The following SPIN1 variants were observed in gnomAD, a reference collection of about 807,000 sequenced individuals.
SPIN1 encodes spindlin-1.
Under a neutral mutation model 26.0 loss-of-function variants are expected in SPIN1, and 3 were observed. That is an observed-to-expected ratio of 0.12 (90% CI 0.05 to 0.30). The LOEUF (loss-of-function observed/expected upper bound fraction) is 0.30, where lower values mean the gene tolerates loss of function less well. Ranked by LOEUF, SPIN1 falls within the 10% of genes least tolerant of loss-of-function variation. SPIN1 has a pLI of 1.00. For missense variants in SPIN1, 126 were observed against 333.4 expected, an observed-to-expected ratio of 0.38 and a Z score of 4.84; for synonymous variants, 101 against 116.5, an observed-to-expected ratio of 0.87 and a Z score of 0.86.
rs148808911 is a variant in SPIN1, at chr9:88,408,981, TTGTG to T, written c.-158-17375_-158-17372del. ...CCGGCCCTTTTGTGTTTGTGTGTGT[TTGTG>T]TGTGTGTGTGTGTGTGTGTGTGTGT... On this transcript the variant is annotated intron_variant, in intron 1 of 5. Coordinates refer to ENST00000375859, the MANE Select transcript of SPIN1 (RefSeq NM_006717.3). 7.7e-3 allele frequency among the ~76,000 whole-genome samples: 1,057 copies of T among 136,642 alleles called. 6 individuals carry two copies. The highest frequency in any genetic ancestry group is 8.7e-3 in the Non-Finnish European group (551 of 63,352). 89.6% of individuals were successfully genotyped at this position (136,642 alleles called of 152,430 possible).
intron 1 of SPIN1, among the ~76,000 whole-genome samples, chr9:88,415,998 T>A (rs897673231): frequency 6.6e-6 from 1 of 151,656 alleles, no homozygotes. Context: ...CCTCGTGATC[T>A]GCCCGCCTTG....
chr9:88,410,502 C>T, intron 1 of SPIN1: 1 of 772,010 alleles, frequency 1.3e-6, no homozygotes. Flanking sequence ...CTCTGGTTCT[C>T]CTCTCCTGCT....
intron 1 of SPIN1, among the ~76,000 whole-genome samples, chr9:88,393,287 A>T (rs1273168732): frequency 6.7e-6 from 1 of 149,096 alleles, no homozygotes; most frequent in Non-Finnish European, 1.5e-5. Flanking sequence ...AAAATAGGCA[A>T]TTTTTTTTTT....
At chr9:88,464,893 TAAACA>T (rs1312597300) in intron 4 of SPIN1, among the ~76,000 whole-genome samples, 1 of 152,172 alleles carries the variant, frequency 6.6e-6, no homozygotes, top group Non-Finnish European at 1.5e-5. Context: ...CTCTACCTAT[TAAACA>T]AAACAACCTA....
chr9:88,441,784 A>G (rs1398219561), intron 2 of SPIN1, among the ~76,000 whole-genome samples: 1 of 148,722 alleles, frequency 6.7e-6, no homozygotes, highest in Non-Finnish European at 1.5e-5. Context: ...AAAAGTTTTT[A>G]TATTATATTT....
At chr9:88,391,164 G>C (rs1031265008) in intron 1 of SPIN1, among the ~76,000 whole-genome samples, 1 of 152,058 alleles carries the variant, frequency 6.6e-6, no homozygotes, top group Non-Finnish European at 1.5e-5. Flanking sequence ...GAAGTATGTT[G>C]AAGTTACTCA....
intron 5 of SPIN1, among the ~76,000 whole-genome samples, chr9:88,474,500 T>C (rs1828850424): frequency 1.3e-5 from 2 of 152,204 alleles, no homozygotes; most frequent in Admixed American, 6.5e-5. Flanking sequence ...ATTTTGGAAC[T>C]GAGTTAGGAA....
chr9:88,433,113 C>G (rs563613829), intron 2 of SPIN1, among the ~76,000 whole-genome samples: 1 of 151,152 alleles, frequency 6.6e-6, no homozygotes, highest in South Asian at 2.1e-4. Context: ...AGGGTCTCGC[C>G]GTGTCACCCA....
intron 2 of SPIN1, among the ~76,000 whole-genome samples, chr9:88,441,398 C>CGCGTGTGTGTGTGTGTGTGTGTGT (rs757363030): frequency 0.012 from 1,678 of 137,666 alleles, 72 homozygotes; most frequent in African/African-American, 0.049. Flanking sequence ...TGCTGCCATT[C>CGCGTGTGTGTGTGTGTGTGTGTGT]GTGTGTGTGT....
chr9:88,390,497 C>A (rs1421552528), intron 1 of SPIN1, among the ~76,000 whole-genome samples: 3 of 152,190 alleles, frequency 2.0e-5, no homozygotes, highest in African/African-American at 4.8e-5. Context: ...TGCACTCCTT[C>A]ATTGCTAGCA....
chr9:88,471,561 A>G (rs1034780753), intron 5 of SPIN1, among the ~76,000 whole-genome samples: 1 of 142,382 alleles, frequency 7.0e-6, no homozygotes, highest in Admixed American at 7.7e-5. Flanking sequence ...AGGCTGAGGC[A>G]GGAGAATCGC....
chr9:88,401,619 A>G (rs1275210400), intron 1 of SPIN1, among the ~76,000 whole-genome samples: 3 of 152,268 alleles, frequency 2.0e-5, no homozygotes, highest in Admixed American at 1.3e-4. Context: ...GGGAATAACT[A>G]CAAGGAAAAA....
At chr9:88,405,850 G>GT (rs1827290845) in intron 1 of SPIN1, among the ~76,000 whole-genome samples, 2 of 150,742 alleles carry the variant, frequency 1.3e-5, no homozygotes, top group Admixed American at 1.3e-4. Flanking sequence ...TTTTTTGTTT[G>GT]TTTTTGAGAC....
At chr9:88,398,522 C>G (rs1332742787) in intron 1 of SPIN1, among the ~76,000 whole-genome samples, 1 of 152,018 alleles carries the variant, frequency 6.6e-6, no homozygotes, top group Admixed American at 6.6e-5. Flanking sequence ...GGTTAAATGT[C>G]TTGTCTGCAC....
chr9:88,438,142 C>A (rs1301475077), intron 2 of SPIN1, among the ~76,000 whole-genome samples: 2 of 151,066 alleles, frequency 1.3e-5, no homozygotes, highest in Admixed American at 6.6e-5. Flanking sequence ...CAGAGCAAGA[C>A]CCTGTCTCAA....
At chr9:88,441,923 T>G (rs532040747) in intron 2 of SPIN1, among the ~76,000 whole-genome samples, 1 of 149,108 alleles carries the variant, frequency 6.7e-6, no homozygotes, top group African/African-American at 2.5e-5. Context: ...TTTTCCTTTA[T>G]ATAGATCTCA....
intron 3 of SPIN1, among the ~76,000 whole-genome samples, chr9:88,455,890 A>G (rs1176114197): frequency 6.6e-6 from 1 of 151,880 alleles, no homozygotes; most frequent in Non-Finnish European, 1.5e-5. Flanking sequence ...CTATAAAGCA[A>G]GAGGATTGCT....
intron 2 of SPIN1, among the ~76,000 whole-genome samples, chr9:88,429,616 A>G (rs982383126): frequency 1.3e-5 from 2 of 152,212 alleles, no homozygotes; most frequent in Non-Finnish European, 1.5e-5. Flanking sequence ...GCATTGGTGC[A>G]TCTACCCCCC....
rs1171194914 is a variant in SPIN1 at position 88,475,688 on chromosome 9, T to C, written c.*411T>C. The C allele has an allele frequency of 5.7e-6, 1 of 176,902 alleles. No individual in the cohort carries two copies. The highest frequency in any genetic ancestry group is 2.4e-5 in the African/African-American group (1 of 41,984). 11.0% of individuals were successfully genotyped at this position (176,902 alleles called of 1,614,324 possible). A position where few individuals can be genotyped will look rare whatever the true frequency, so the allele number is the denominator to read the frequency against. ...GTATCTGTATCTACCTATATCTATA[T>C]GTGTGTATACATATATAATATATAC... On this transcript the variant is annotated 3_prime_UTR_variant, in exon 6 of 6. Transcript: ENST00000375859.
Sources: gnomAD v4.1 joint callset for allele counts (sites outside exome capture counted in the v4.1 genomes callset) on GRCh38, gnomAD v4.1.1 for gene constraint, MANE v1.5 for transcripts, NCBI Gene and HGNC (gene_info 2026-07-23, HGNC 2026-07-21) for gene names.